The following RGS5 variants were observed in gnomAD, a reference collection of about 807,000 sequenced individuals.
RGS5 encodes regulator of G protein signaling 5.
In RGS5, 20 loss-of-function variants were observed where a neutral mutation model predicts 18.9. The observed-to-expected ratio is 1.06, with a 90% confidence interval of 0.74 to 1.54. The LOEUF (loss-of-function observed/expected upper bound fraction) is 1.54, where lower values mean the gene tolerates loss of function less well. Ranked by LOEUF, RGS5 falls within the 40% of genes most tolerant of loss-of-function variation. The probability of loss-of-function intolerance (pLI) is 0.00; values close to 1 mark genes in which losing one functional copy is unlikely to be tolerated. For missense variants in RGS5, 201 were observed against 211.8 expected (o/e 0.95, Z 0.32); for synonymous variants, 57 against 76.2 (o/e 0.75, Z 1.31).
intron 2 of RGS5, among the ~76,000 whole-genome samples, chr1:163,268,646 T>C (rs980121117): frequency 2.6e-5 from 4 of 152,222 alleles, no homozygotes; most frequent in South Asian, 4.1e-4. Context: ...CAGGACCACC[T>C]ACCTGACAGC....
intron 2 of RGS5, chr1:163,238,963 T>C (rs1011122628): frequency 4.7e-6 from 1 of 212,938 alleles, no homozygotes; most frequent in South Asian, 1.0e-4. Flanking sequence ...TTCAGAACCA[T>C]TGAAACTCTA....
At chr1:163,178,919 A>T (rs1658681700) in intron 1 of RGS5, among the ~76,000 whole-genome samples, 1 of 152,210 alleles carries the variant, frequency 6.6e-6, no homozygotes, top group African/African-American at 2.4e-5. Flanking sequence ...AAGCAATATC[A>T]TAAGATACTT....
At position 163,168,347 on chromosome 1, in the gene RGS5, C is replaced by G. The variant is rs1346060751; in HGVS notation, c.66G>C (p.Lys22Asn). The G allele has an allele frequency of 6.2e-7, 1 of 1,613,546 alleles. No homozygotes were observed. Among genetic ancestry groups the G allele is most frequent in the African/African-American group, 1.3e-5 (1 of 74,888 alleles). The change falls in exon 2 of 5, where the codon AAG becomes AAC. Residue 22 changes from lysine (K) to asparagine (N), a missense_variant. Lys to Asn is a moderately conservative substitution (Grantham distance 94, BLOSUM62 0). Coordinates refer to ENST00000313961, the MANE Select transcript of RGS5 (RefSeq NM_003617.4). ...CTGGCTTCTGGAGGAGAATTCCCAA[C>G]TTGATCTTAATCTCCTTGGCCCTGA... ...CLERAKEIKI[K>N]LGILLQKPDS... is the part of the protein sequence containing the mutation.
intron 2 of RGS5, among the ~76,000 whole-genome samples, chr1:163,229,706 C>G (rs1253330183): frequency 2.0e-5 from 3 of 152,200 alleles, no homozygotes; most frequent in African/African-American, 7.2e-5. Context: ...GTCTCTCTCA[C>G]CTCCTTCAGA....
chr1:163,191,465 G>A (rs1659352998), intron 1 of RGS5, among the ~76,000 whole-genome samples: 1 of 152,188 alleles, frequency 6.6e-6, no homozygotes, highest in Admixed American at 6.5e-5. Flanking sequence ...CAGAGTAACA[G>A]TTTAATGGAG....
intron 2 of RGS5, chr1:163,300,461 T>C (rs554171899): frequency 2.6e-5 from 4 of 152,374 alleles, no homozygotes; most frequent in Admixed American, 2.6e-4. Context: ...CTTTCAGTGC[T>C]CAAGTACTAA....
intron 1 of RGS5, among the ~76,000 whole-genome samples, chr1:163,169,201 T>G: frequency 6.6e-6 from 1 of 152,280 alleles, no homozygotes; most frequent in African/African-American, 2.4e-5. Context: ...CTCATCATTT[T>G]TTATGGCTGC....
intron 1 of RGS5, among the ~76,000 whole-genome samples, chr1:163,173,154 C>T (rs1231417610): frequency 6.6e-6 from 1 of 152,166 alleles, no homozygotes; most frequent in Non-Finnish European, 1.5e-5. Context: ...TTTGACTGCA[C>T]ACTAGACATT....
intron 2 of RGS5, among the ~76,000 whole-genome samples, chr1:163,253,031 G>A (rs980026622): frequency 3.9e-5 from 6 of 152,122 alleles, no homozygotes; most frequent in Admixed American, 3.3e-4. Flanking sequence ...GATACTGATT[G>A]GGAACACTAA....
chr1:163,218,281 CTATAAT>C (rs1660261941), upstream of RGS5, among the ~76,000 whole-genome samples: 1 of 151,960 alleles, frequency 6.6e-6, no homozygotes, highest in African/African-American at 2.4e-5. Flanking sequence ...TTAGCATTTC[CTATAAT>C]TATAAATATA....
intron 1 of RGS5, among the ~76,000 whole-genome samples, chr1:163,174,517 G>C (rs1416986728): frequency 6.6e-6 from 1 of 152,224 alleles, no homozygotes; most frequent in African/African-American, 2.4e-5. Flanking sequence ...GGAGGACTAA[G>C]ATGTCTCTAA....
In RGS5 at chr1:163,225,923, ATT is replaced by A. The variant is rs113155202; in HGVS notation, c.-280-57557_-280-57556del. Among the ~76,000 whole-genome samples the A allele has an allele frequency of 3.7e-4, 54 of 147,868 alleles. 1 individual carries two copies. The highest frequency in any genetic ancestry group is 6.2e-4 in the African/African-American group (25 of 40,116). On this transcript the variant is annotated intron_variant, in intron 2 of 5. Coordinates refer to the RGS5 transcript ENST00000618415. ...AGTTAGGAGGTCAAAATCACAAGTA[ATT>A]TTTTTTTTTTTTGAGACAGAATTTG...
Position 163,227,239 on chromosome 1 carries a change from C to G in RGS5, c.-280-58871G>C, listed in dbSNP as rs138578740. ...ATAAGCTGTATTTGCTGTTCTCATG[C>G]TTCTGTGAAGAAATACACAAGAGTG... On this transcript the variant is annotated intron_variant, in intron 2 of 5. Transcript: ENST00000618415. 1.6e-3 allele frequency among the ~76,000 whole-genome samples: 246 copies of G among 152,324 alleles called. 1 individual carries two copies. The highest frequency in any genetic ancestry group is 5.8e-3 in the African/African-American group (242 of 41,566).
At chr1:163,165,910 A>AC in intron 2 of RGS5, among the ~76,000 whole-genome samples, 1 of 59,416 alleles carries the variant, frequency 1.7e-5, no homozygotes, top group Non-Finnish European at 3.1e-5. Context: ...CGTCTCAAAA[A>AC]AAAAACAAAA....
rs1049976405 is a variant in RGS5, at chr1:163,199,502, T to C, written c.44+3290A>G. On this transcript the variant is annotated intron_variant, in intron 1 of 4. Coordinates refer to ENST00000313961, the MANE Select transcript of RGS5 (RefSeq NM_003617.4). ...AATTTTCTTACTTTATGCGGCAGAT[T>C]TTTGGATATCCTTACCCATTATATA... 3.3e-5 allele frequency among the ~76,000 whole-genome samples: 5 copies of C among 152,264 alleles called. No individual in the cohort carries two copies. In the South Asian group the frequency reaches 1.0e-3, roughly 32 times the overall value.
intron 2 of RGS5, among the ~76,000 whole-genome samples, chr1:163,305,932 T>C (rs1310817499): frequency 6.6e-6 from 1 of 152,184 alleles, no homozygotes; most frequent in Non-Finnish European, 1.5e-5. Flanking sequence ...ATAGCTACCT[T>C]CAGATCTGCT....
chr1:163,235,945 T>C (rs1647610650), intron 2 of RGS5, among the ~76,000 whole-genome samples: 1 of 152,186 alleles, frequency 6.6e-6, no homozygotes, highest in Non-Finnish European at 1.5e-5. Context: ...TAAGAGAGTC[T>C]AGCAAGCATA....
intron 4 of RGS5, among the ~76,000 whole-genome samples, chr1:163,150,838 A>G (rs558425743): frequency 1.3e-5 from 2 of 152,300 alleles, no homozygotes; most frequent in Admixed American, 1.3e-4. Flanking sequence ...ACTCATAACT[A>G]AAGAAATACA....
In RGS5 at chr1:163,272,470, C is replaced by T. The variant is rs554752395; in HGVS notation, c.-281+33763G>A. On this transcript the variant is annotated intron_variant, in intron 2 of 5. Coordinates refer to the RGS5 transcript ENST00000618415. The stretch of plus-strand genomic sequence containing the variant: ...GCTTCTGCTTTGGTCATCTTATGTA[C>T]GAACTTTTTGGCTAACCCAAAGTCA... Among the ~76,000 whole-genome samples the T allele has an allele frequency of 5.7e-4, 86 of 152,128 alleles. 1 individual carries two copies. Among genetic ancestry groups the T allele is most frequent in the African/African-American group, 2.0e-3 (82 of 41,510 alleles).
Sources: gnomAD v4.1 joint callset for allele counts (sites outside exome capture counted in the v4.1 genomes callset) on GRCh38, gnomAD v4.1.1 for gene constraint, MANE v1.5 for transcripts, NCBI Gene and HGNC (gene_info 2026-07-23, HGNC 2026-07-21) for gene names.